The following PPIP5K2 variants were observed in gnomAD, a reference collection of about 807,000 sequenced individuals.
The protein encoded by PPIP5K2 is inositol hexakisphosphate and diphosphoinositol-pentakisphosphate kinase 2.
In PPIP5K2, 105 loss-of-function variants were observed where a neutral mutation model predicts 154.6. The observed-to-expected ratio is 0.68, with a 90% CI of 0.58 to 0.80. The LOEUF (loss-of-function observed/expected upper bound fraction) is 0.80. Among genes scored for constraint, PPIP5K2 ranks in the 30% least tolerant of loss-of-function variants. The pLI is 0.00. For synonymous variants in PPIP5K2, 480 were observed against 490.3 expected (o/e 0.98, Z 0.28); for missense variants, 992 against 1,504.6 (o/e 0.66, Z 5.64).
rs543074252 is a variant in PPIP5K2, at chr5:103,147,007, C to T, written c.642+326C>T. Among the ~76,000 whole-genome samples the T allele has an allele frequency of 4.6e-5, 7 of 151,826 alleles. No individual in the cohort carries two copies. The East Asian group carries it at 1.2e-3, about 25-fold the overall frequency. ...ATAATGGCCCAGAAAAATAACAGCT[C>T]ATAGAAAAAGTAACACTAATAACTT... On this transcript the variant is annotated intron_variant, in intron 6 of 30. Coordinates refer to ENST00000358359, the MANE Select transcript of PPIP5K2 (RefSeq NM_001276277.3).
At chr5:103,125,323 C>T (rs961239746) in intron 1 of PPIP5K2, among the ~76,000 whole-genome samples, 1 of 152,214 alleles carries the variant, frequency 6.6e-6, no homozygotes, top group Non-Finnish European at 1.5e-5. Context: ...GAGCTATGTA[C>T]AATTTACAGA....
chr5:103,124,980 A>C (rs574832615), intron 1 of PPIP5K2, among the ~76,000 whole-genome samples: 182 of 152,338 alleles, frequency 1.2e-3, no homozygotes, highest in Non-Finnish European at 1.2e-3. Context: ...AAAGGTCAAA[A>C]CGAATGATTC....
chr5:103,169,361 G>A (rs1797603602), intron 19 of PPIP5K2, among the ~76,000 whole-genome samples: 1 of 151,242 alleles, frequency 6.6e-6, no homozygotes, highest in Non-Finnish European at 1.5e-5. Context: ...TTAAATACAT[G>A]AAAAAGATAA....
At chr5:103,191,859 C>G (rs184894903) in intron 29 of PPIP5K2, among the ~76,000 whole-genome samples, 52 of 152,054 alleles carry the variant, frequency 3.4e-4, no homozygotes, top group Admixed American at 3.0e-3. Context: ...TCTTACTATT[C>G]TAGTCATATC....
Position 103,133,440 on chromosome 5 carries a change from A to G in PPIP5K2, c.115-13A>G. ...TAAAGTTAACCCGATTTTTTGTTTC[A>G]TTTTTGTTTTAGCCACCAGAAAGGC... is the stretch of plus-strand genomic sequence containing the variant. On this transcript the variant is annotated splice_polypyrimidine_tract_variant and intron_variant, in intron 2 of 30. Coordinates refer to ENST00000358359, the MANE Select transcript of PPIP5K2 (RefSeq NM_001276277.3). The G allele has an allele frequency of 2.5e-6, 4 of 1,592,816 alleles. No homozygotes were observed. The highest frequency in any genetic ancestry group is 3.4e-6 in the Non-Finnish European group (4 of 1,174,914).
intron 17 of PPIP5K2, among the ~76,000 whole-genome samples, chr5:103,165,158 G>A (rs17155104): frequency 0.052 from 7,877 of 152,148 alleles, 521 homozygotes; most frequent in African/African-American, 0.16. Context: ...AAGTTAGAGT[G>A]TTGCTGCTAA....
In PPIP5K2 at chr5:103,173,903, A is replaced by G. The variant is rs1440164289; in HGVS notation, c.2460A>G (p.Arg820=). ...CTCCTGAACGTCATGTTCGTACTAGATTATATTTTACCAGTGAAAGTCATG... is the reference window on the plus strand; with the variant it reads ...CTCCTGAACGTCATGTTCGTACTAGGTTATATTTTACCAGTGAAAGTCATG... ...VLSPERHVRT[R]LYFTSESHVH... The change falls in exon 21 of 31, where the codon AGA becomes AGG. Residue 820 remains arginine (R), a synonymous_variant. Coordinates refer to ENST00000358359, the MANE Select transcript of PPIP5K2 (RefSeq NM_001276277.3). The G allele has an allele frequency of 3.1e-6, 5 of 1,609,546 alleles. No homozygotes were observed. In the East Asian group the frequency reaches 8.9e-5, roughly 29 times the overall value.
chr5:103,132,080 T>C (rs937307825), intron 2 of PPIP5K2, among the ~76,000 whole-genome samples: 1 of 152,146 alleles, frequency 6.6e-6, no homozygotes, highest in Non-Finnish European at 1.5e-5. Context: ...AGGAAAGCAT[T>C]GAATAAGGGC....
chr5:103,159,673 T>TTA (rs1380356963), intron 17 of PPIP5K2, among the ~76,000 whole-genome samples: 1 of 152,224 alleles, frequency 6.6e-6, no homozygotes, highest in African/African-American at 2.4e-5. Flanking sequence ...CAAATTAAAA[T>TTA]TATATATGTT....
At chr5:103,188,452 A>C (rs1800733711) in intron 28 of PPIP5K2, 1 of 152,146 alleles carries the variant, frequency 6.6e-6, no homozygotes, top group African/African-American at 2.4e-5. Flanking sequence ...ATAACAGTGC[A>C]CTAATAATTC....
chr5:103,185,791 A>G (rs1406234481), intron 26 of PPIP5K2, among the ~76,000 whole-genome samples: 1 of 152,132 alleles, frequency 6.6e-6, no homozygotes, highest in Non-Finnish European at 1.5e-5. Context: ...TGGTCTCACA[A>G]ATAAATAAAT....
intron 5 of PPIP5K2, among the ~76,000 whole-genome samples, chr5:103,140,397 A>G (rs1486423064): frequency 2.0e-5 from 3 of 152,226 alleles, no homozygotes; most frequent in Non-Finnish European, 4.4e-5. Context: ...AGATCCTTAA[A>G]GCACCCAGAG....
chr5:103,141,957 C>A (rs1246330907), intron 5 of PPIP5K2, among the ~76,000 whole-genome samples: 1 of 152,248 alleles, frequency 6.6e-6, no homozygotes, highest in Non-Finnish European at 1.5e-5. Flanking sequence ...GACTCAGGAG[C>A]CCAGCTGGCT....
chr5:103,204,062 C>G lies in PPIP5K2; in HGVS notation c.*2428C>G, dbSNP rs1803343173. The G allele has an allele frequency of 6.6e-6, 1 of 152,084 alleles. No homozygotes were observed. Among genetic ancestry groups the G allele is most frequent in the African/African-American group, 2.4e-5 (1 of 41,406 alleles). 9.4% of individuals were successfully genotyped at this position (152,084 alleles called of 1,614,324 possible). ...AAGTTAAAGTTCTTCAAGAAATATC[C>G]AATTAAAACTCACTAGCCAAGGAAA... On this transcript the variant is annotated 3_prime_UTR_variant, in exon 31 of 31. Transcript: ENST00000358359.
chr5:103,183,302 G>A lies in PPIP5K2; in HGVS notation c.2991G>A (p.Val997=). 1 of 1,599,892 alleles carries A rather than the reference G, an allele frequency of 6.3e-7. No homozygotes were observed. Among genetic ancestry groups the A allele is most frequent in the Non-Finnish European group, 8.5e-7 (1 of 1,175,700 alleles). Residue 997 remains valine, a synonymous_variant, in exon 25 of 31, where the codon GTG becomes GTA. Transcript: ENST00000358359. ...TGTWLHYTSG[V]GTGRRRRRSG... ...CCTGGCTGCATTATACCAGTGGTGT[G>A]GGTACTGGGCGTCGAAGACGCAGAT...
At chr5:103,181,782 G>A (rs537600749) in intron 24 of PPIP5K2, among the ~76,000 whole-genome samples, 90 of 152,000 alleles carry the variant, frequency 5.9e-4, no homozygotes, top group African/African-American at 2.0e-3. Flanking sequence ...CTACAGCCCC[G>A]AATTATACAA....
In PPIP5K2 at chr5:103,151,182, G is replaced by A. The variant is rs138295837; in HGVS notation, c.907-71G>A. ...GCATTTATAAAATTTGATATGTTCTGATAGGACTAGAAAACTGTGAATCTT... is the reference window on the plus strand; with the variant it reads ...GCATTTATAAAATTTGATATGTTCTAATAGGACTAGAAAACTGTGAATCTT... On this transcript the variant is annotated intron_variant, in intron 8 of 30. Coordinates refer to ENST00000358359, the MANE Select transcript of PPIP5K2 (RefSeq NM_001276277.3). 4.3e-4 allele frequency: 568 copies of A among 1,324,922 alleles called. 1 individual carries two copies. The African/African-American group carries it at 7.4e-3, about 17-fold the overall frequency. 82.1% of individuals were successfully genotyped at this position (1,324,922 alleles called of 1,614,324 possible).
intron 21 of PPIP5K2, chr5:103,177,024 T>A: frequency 1.5e-6 from 1 of 651,374 alleles, no homozygotes. Context: ...TATATGATGG[T>A]GGGAAAAAAT....
At chr5:103,121,039 G>A (rs1218412155) in intron 1 of PPIP5K2, among the ~76,000 whole-genome samples, 8 of 152,236 alleles carry the variant, frequency 5.3e-5, no homozygotes, top group Admixed American at 4.6e-4. Flanking sequence ...AGGGGCCAGG[G>A]TGATGATCCC....
Sources: gnomAD v4.1 joint callset for allele counts (sites outside exome capture counted in the v4.1 genomes callset) on GRCh38, gnomAD v4.1.1 for gene constraint, MANE v1.5 for transcripts, NCBI Gene and HGNC (gene_info 2026-07-23, HGNC 2026-07-21) for gene names.